Variants in OBP2B observed in about 807,000 individuals in gnomAD.
The protein encoded by OBP2B is odorant-binding protein 2b.
Under a neutral mutation model 21.7 loss-of-function variants are expected in OBP2B, and 10 were observed. That is an observed-to-expected ratio of 0.46 (90% confidence interval 0.28 to 0.78). The LOEUF is 0.78. Among genes scored for constraint, OBP2B ranks in the 30% least tolerant of loss-of-function variants. The pLI is 0.11. For missense variants in OBP2B, 153 were observed against 217.7 expected (o/e 0.70, Z 1.87); for synonymous variants, 73 against 91.5 (o/e 0.80, Z 1.16).
At chr9:133,205,632 C>A in intron 6 of OBP2B, 1 of 606,424 alleles carries the variant, frequency 1.6e-6, no homozygotes, top group Non-Finnish European at 2.9e-6. Flanking sequence ...GTGCAGGGGG[C>A]GATGGGCTGA....
At chr9:133,218,319 T>G in the OBP2B span, among the ~76,000 whole-genome samples, 3 of 152,168 alleles carry the variant, frequency 2.0e-5, no homozygotes, top group East Asian at 1.9e-4. Flanking sequence ...TGGGTGGAAC[T>G]GCCATGTAGG....
the OBP2B span, among the ~76,000 whole-genome samples, chr9:133,216,584 C>T: frequency 1.3e-5 from 2 of 152,064 alleles, no homozygotes; most frequent in Non-Finnish European, 2.9e-5. Context: ...AAAACCTGTA[C>T]ATGTGTCATA....
intron 5 of OBP2B, 34 bp downstream of exon 5, chr9:133,206,281 A>G: frequency 6.3e-7 from 1 of 1,592,184 alleles, no homozygotes; most frequent in East Asian, 2.2e-5. Context: ...GACACAGCAG[A>G]GGGACACAGG....
In OBP2B at chr9:133,207,347, CAG is replaced by C; in HGVS notation, c.278-13_278-12del. 1 of 1,559,998 alleles carries C rather than the reference CAG, an allele frequency of 6.4e-7. No homozygotes were observed. The highest frequency in any genetic ancestry group is 8.8e-7 in the Non-Finnish European group (1 of 1,131,996). On this transcript the variant is annotated splice_polypyrimidine_tract_variant and intron_variant, in intron 3 of 6. Coordinates refer to ENST00000372034, the MANE Select transcript of OBP2B (RefSeq NM_014581.4). ...GCTTCCTGCCCCCATCTGTAGATGA[CAG>C]AGAAAATGGGTCATTCCCAGAGAGA...
chr9:133,211,128 C>T (rs1218024073), upstream of OBP2B, among the ~76,000 whole-genome samples: 5 of 152,160 alleles, frequency 3.3e-5, no homozygotes, highest in African/African-American at 1.2e-4. Context: ...GACACCTGGG[C>T]ATAAGAAGGT....
At chr9:133,221,189 A>T in the OBP2B span, among the ~76,000 whole-genome samples, 1 of 152,336 alleles carries the variant, frequency 6.6e-6, no homozygotes, top group South Asian at 2.1e-4. Context: ...GGGGAGCATG[A>T]ATATCTATTC....
intron 4 of OBP2B, among the ~76,000 whole-genome samples, chr9:133,206,873 C>A (rs1219368307): frequency 6.6e-6 from 1 of 152,002 alleles, no homozygotes; most frequent in Non-Finnish European, 1.5e-5. Flanking sequence ...CTGGAGGGAC[C>A]TTGTCTCCCA....
upstream of OBP2B, among the ~76,000 whole-genome samples, chr9:133,209,894 G>A (rs559751900): frequency 1.2e-4 from 18 of 152,278 alleles, no homozygotes; most frequent in African/African-American, 2.6e-4. The surrounding 1 kb of genome is among the most constrained non-coding windows in gnomAD (Gnocchi z 6.0). Flanking sequence ...GCTTCACTCC[G>A]TACCGGAGCC....
chr9:133,211,582 A>T (rs1833918039), upstream of OBP2B, among the ~76,000 whole-genome samples: 1 of 152,230 alleles, frequency 6.6e-6, no homozygotes. Context: ...TAGGGATAGT[A>T]ACTGATGGGA....
chr9:133,207,478 G>A (rs1205034264), intron 3 of OBP2B, 142 bp from the exon 4 acceptor site: 31 of 616,418 alleles, frequency 5.0e-5, no homozygotes, highest in Admixed American at 5.8e-5. Flanking sequence ...GTGTGGACCC[G>A]GACACGGAGG....
chr9:133,214,997 G>T, the OBP2B span, among the ~76,000 whole-genome samples: 7 of 152,178 alleles, frequency 4.6e-5, no homozygotes, highest in Non-Finnish European at 1.0e-4. Context: ...TGACATGATT[G>T]TCTCTGTAGA....
At chr9:133,218,499 C>T in the OBP2B span, among the ~76,000 whole-genome samples, 9 of 152,178 alleles carry the variant, frequency 5.9e-5, no homozygotes, top group Admixed American at 2.6e-4. Flanking sequence ...AGAAAAGACG[C>T]GGCAATAACC....
upstream of OBP2B, among the ~76,000 whole-genome samples, chr9:133,211,727 T>C (rs1471319597): frequency 2.0e-5 from 3 of 152,216 alleles, no homozygotes; most frequent in South Asian, 2.1e-4. Context: ...TTGGTTTTTC[T>C]ACCTTCCAAA....
chr9:133,216,183 C>T, the OBP2B span, among the ~76,000 whole-genome samples: 1 of 151,120 alleles, frequency 6.6e-6, no homozygotes, highest in Non-Finnish European at 1.5e-5. Flanking sequence ...TGACAAACTA[C>T]ATATTCAACA....
chr9:133,208,772 C>CA (rs1479363877), intron 1 of OBP2B, among the ~76,000 whole-genome samples, 170 bp from the exon 2 acceptor site: 1 of 152,134 alleles, frequency 6.6e-6, no homozygotes, highest in African/African-American at 2.4e-5. Context: ...GAGTTAGAGC[C>CA]AGCCCCCTGC....
intron 4 of OBP2B, among the ~76,000 whole-genome samples, chr9:133,206,995 A>C (rs1334402618): frequency 1.3e-5 from 2 of 151,964 alleles, no homozygotes; most frequent in Non-Finnish European, 2.9e-5. Flanking sequence ...CCGAGACCCC[A>C]GAAGTGGCCC....
chr9:133,220,822 T>C, the OBP2B span, among the ~76,000 whole-genome samples: 1 of 152,178 alleles, frequency 6.6e-6, no homozygotes, highest in Non-Finnish European at 1.5e-5. Flanking sequence ...GGGGCCCTTA[T>C]AGGAGAGAGG....
chr9:133,219,417 C>G, the OBP2B span, among the ~76,000 whole-genome samples: 1 of 152,180 alleles, frequency 6.6e-6, no homozygotes. Context: ...ACACTTATAA[C>G]TCAACATAAA....
chr9:133,207,329 G>A lies in OBP2B; in HGVS notation c.285C>T (p.Gly95=), dbSNP rs782666828. 1.2e-6 allele frequency: 2 copies of A among 1,607,352 alleles called. No individual in the cohort carries two copies. The highest frequency in any genetic ancestry group is 2.2e-5 in the South Asian group (2 of 90,882). ...GCTCCTGCAGGTACATGAGCTTCCTGCCCCCATCTGTAGATGACAGAGAAA... is the reference window on the plus strand; with the variant it reads ...GCTCCTGCAGGTACATGAGCTTCCTACCCCCATCTGTAGATGACAGAGAAA... ...EEPGKYSAYG[G]RKLMYLQELP... The change falls in exon 4 of 7, where the codon GGC becomes GGT. Residue 95 remains glycine, a synonymous_variant. Coordinates refer to ENST00000372034, the MANE Select transcript of OBP2B (RefSeq NM_014581.4).
Sources: gnomAD v4.1 joint callset for allele counts (sites outside exome capture counted in the v4.1 genomes callset) on GRCh38, gnomAD v4.1.1 for gene constraint, Gnocchi (gnomAD v3.1) non-coding constraint, MANE v1.5 for transcripts, NCBI Gene and HGNC (gene_info 2026-07-23, HGNC 2026-07-21) for gene names.